Variants in SPART observed in about 807,000 individuals in gnomAD.
The protein encoded by SPART is spastic paraplegia 20 (Troyer syndrome).
In SPART, 35 loss-of-function variants were observed where a neutral mutation model predicts 58.7. That is an observed-to-expected ratio of 0.60 (90% confidence interval 0.46 to 0.79). The LOEUF (loss-of-function observed/expected upper bound fraction) is 0.79, where lower values mean the gene tolerates loss of function less well. Ranked by LOEUF, SPART falls within the 30% of genes least tolerant of loss-of-function variation. The pLI is 0.00. For synonymous variants in SPART, 284 were observed against 280.7 expected (o/e 1.01, Z -0.12); for missense variants, 730 against 786.1 (o/e 0.93, Z 0.85).
At chr13:36,325,072 G>T (rs1056053303) in intron 5 of SPART, among the ~76,000 whole-genome samples, 6 of 152,166 alleles carry the variant, frequency 3.9e-5, no homozygotes, top group Non-Finnish European at 7.3e-5. Context: ...AGGCCATCTG[G>T]GCATATACGT....
chr13:36,324,551 C>T (rs1394126473), intron 5 of SPART, among the ~76,000 whole-genome samples: 1 of 152,226 alleles, frequency 6.6e-6, no homozygotes, highest in Non-Finnish European at 1.5e-5. Context: ...TAAGCCACTC[C>T]TGCTGTGACC....
At position 36,320,566 on chromosome 13, in the gene SPART, A is replaced by G. The variant is rs570764917; in HGVS notation, c.1288+6009T>C. Reference sequence around the variant, plus strand: ...TCTATCCTCAAGGAAATAACTTCTCAGTGTTACATCTGCTATTCTACTACT... The same window carrying G: ...TCTATCCTCAAGGAAATAACTTCTCGGTGTTACATCTGCTATTCTACTACT... On this transcript the variant is annotated intron_variant, in intron 5 of 8. Transcript: ENST00000438666. 2.2e-3 allele frequency among the ~76,000 whole-genome samples: 328 copies of G among 152,280 alleles called. 3 individuals carry two copies. Among genetic ancestry groups the G allele is most frequent in the Non-Finnish European group, 3.5e-3 (236 of 68,030 alleles).
At position 36,312,479 on chromosome 13, in the gene SPART, T is replaced by C. The variant is rs1487055228; in HGVS notation, c.1484-2A>G. 7.4e-6 allele frequency: 12 copies of C among 1,614,008 alleles called. No individual in the cohort carries two copies. Among genetic ancestry groups the C allele is most frequent in the Non-Finnish European group, 1.0e-5 (12 of 1,179,930 alleles). On this transcript the variant is annotated splice_acceptor_variant, in intron 6 of 8. Transcript: ENST00000438666. LOFTEE classifies it high-confidence loss of function. ...TTGCTACAGTGCAAACTCCATCAAC[T>C]AATATGACCATAAAAAAAGAAAACT...
chr13:36,364,064 T>C (rs567566483), intron 1 of SPART, among the ~76,000 whole-genome samples: 2 of 152,276 alleles, frequency 1.3e-5, no homozygotes, highest in South Asian at 4.1e-4. Context: ...GGAACCACCA[T>C]CACAGTCTTC....
intron 1 of SPART, among the ~76,000 whole-genome samples, chr13:36,361,166 A>G (rs1015865949): frequency 1.3e-5 from 2 of 152,166 alleles, no homozygotes; most frequent in Admixed American, 6.5e-5. Context: ...TTTTATTGCA[A>G]TCTTCTGAAA....
chr13:36,321,182 C>G (rs1211105348), intron 5 of SPART, among the ~76,000 whole-genome samples: 3 of 152,170 alleles, frequency 2.0e-5, no homozygotes, highest in Non-Finnish European at 4.4e-5. Flanking sequence ...GTCATCCCTA[C>G]TATCTTCTGT....
chr13:36,339,502 TG>T (rs1171294984), intron 1 of SPART, among the ~76,000 whole-genome samples: 3 of 151,184 alleles, frequency 2.0e-5, no homozygotes, highest in African/African-American at 7.3e-5. Flanking sequence ...CATCATGGCA[TG>T]CACCTGTACC....
rs937352576 is a variant in SPART at position 36,335,926 on chromosome 13, G to A, written c.-2-94C>T. 4.0e-5 allele frequency: 40 copies of A among 999,450 alleles called. 1 individual carries two copies. The highest frequency in any genetic ancestry group is 5.8e-5 in the Non-Finnish European group (37 of 641,248). The allele number at this position is 999,450 out of a possible 1,614,324, so 61.9% of individuals were successfully genotyped here. On this transcript the variant is annotated intron_variant, in intron 1 of 8. Coordinates refer to ENST00000438666, the MANE Select transcript of SPART (RefSeq NM_015087.5). The stretch of plus-strand genomic sequence containing the variant: ...CTGAATATATTTTAAGAGGACAAGT[G>A]CCTCGCTTATCTCTGTTTTGTTCAC...
rs986076168 is a variant in SPART, at chr13:36,356,244, C to T, written c.-3+13845G>A. 7.9e-5 allele frequency among the ~76,000 whole-genome samples: 12 copies of T among 152,242 alleles called. No homozygotes were observed. The East Asian group carries it at 9.7e-4, about 12-fold the overall frequency. ...ACTGAATAAATACGAGTCTTGCTGG[C>T]GAGTCTCGCTGGCTGGTCGAGGCCG... On this transcript the variant is annotated intron_variant, in intron 1 of 8. Coordinates refer to the SPART transcript ENST00000355182.
intron 1 of SPART, among the ~76,000 whole-genome samples, chr13:36,360,324 A>G (rs982764451): frequency 1.0e-5 from 1 of 95,564 alleles, no homozygotes; most frequent in Non-Finnish European, 2.2e-5. Flanking sequence ...GAAACATGTC[A>G]AATGAAATCA....
intron 6 of SPART, among the ~76,000 whole-genome samples, chr13:36,313,761 T>C (rs1162241364): frequency 1.3e-5 from 2 of 152,210 alleles, no homozygotes; most frequent in Admixed American, 1.3e-4. Flanking sequence ...AGTGGCAACG[T>C]TTAGGTTTGT....
At chr13:36,357,140 G>A (rs1378626856) in intron 1 of SPART, among the ~76,000 whole-genome samples, 1 of 152,154 alleles carries the variant, frequency 6.6e-6, no homozygotes, top group African/African-American at 2.4e-5. Flanking sequence ...ACCCTCCTTG[G>A]AGTGAGGCAG....
intron 5 of SPART, 148 bp downstream of exon 5, chr13:36,326,427 A>T: frequency 1.2e-6 from 1 of 867,172 alleles, no homozygotes; most frequent in Non-Finnish European, 1.8e-6. Context: ...TCAAAAGACT[A>T]GTTCCTTCTA....
intron 5 of SPART, among the ~76,000 whole-genome samples, chr13:36,322,445 TCAAAACAAAA>T (rs540193112): frequency 6.6e-6 from 1 of 152,064 alleles, no homozygotes; most frequent in Non-Finnish European, 1.5e-5. Context: ...AGACTCTGTC[TCAAAACAAAA>T]CAAAACAAAA....
rs1029061590 is a variant in SPART, at chr13:36,335,191, A to G, written c.640T>C (p.Leu214=). Residue 214 remains leucine, a synonymous_variant, in exon 2 of 9, where the codon TTA becomes CTA. Transcript: ENST00000438666. ...NHSQPPPLET[L]GLDADELILI... is the part of the protein sequence containing the mutation. ...ATCAATTCATCTGCATCCAGCCCTA[A>G]GGTCTCAAGAGGCGGTGGCTGAGAA... The G allele has an allele frequency of 1.2e-6, 2 of 1,614,032 alleles. No homozygotes were observed. Among genetic ancestry groups the G allele is most frequent in the South Asian group, 1.1e-5 (1 of 91,086 alleles).
At chr13:36,319,670 C>T (rs1259374285) in intron 5 of SPART, among the ~76,000 whole-genome samples, 2 of 143,636 alleles carry the variant, frequency 1.4e-5, no homozygotes, top group African/African-American at 5.0e-5. Flanking sequence ...GCCTCTACAA[C>T]CCATTATTCT....
intron 1 of SPART, among the ~76,000 whole-genome samples, chr13:36,358,319 A>C (rs1006408985): frequency 6.6e-6 from 1 of 152,186 alleles, no homozygotes; most frequent in East Asian, 1.9e-4. Flanking sequence ...TCTTTAAAAA[A>C]TAAAGCTCTT....
At chr13:36,343,483 T>G (rs1884767040) in intron 1 of SPART, among the ~76,000 whole-genome samples, 1 of 152,186 alleles carries the variant, frequency 6.6e-6, no homozygotes. Flanking sequence ...AAAATGTTAA[T>G]ATCAATACCA....
intron 4 of SPART, among the ~76,000 whole-genome samples, chr13:36,327,782 G>A (rs188992505): frequency 6.6e-6 from 1 of 152,310 alleles, no homozygotes; most frequent in East Asian, 1.9e-4. Flanking sequence ...GAAGTCAGGA[G>A]TTCGAGATTA....
Sources: gnomAD v4.1 joint callset for allele counts (sites outside exome capture counted in the v4.1 genomes callset) on GRCh38, gnomAD v4.1.1 for gene constraint, MANE v1.5 for transcripts, NCBI Gene and HGNC (gene_info 2026-07-23, HGNC 2026-07-21) for gene names.